KCNB2: variants seen among roughly 807,000 people sequenced by gnomAD.
KCNB2 encodes delayed rectifier potassium channel protein.
KCNB2 carries 15 observed loss-of-function variants against 61.5 expected under a neutral mutation model. That is an observed-to-expected ratio of 0.24 (90% confidence interval 0.16 to 0.38). The LOEUF (loss-of-function observed/expected upper bound fraction) is 0.38, where lower values mean the gene tolerates loss of function less well. KCNB2 is among the 10% of genes least tolerant of loss of function. The pLI is 1.00. For synonymous variants in KCNB2, 457 were observed against 446.0 expected, an observed-to-expected ratio of 1.02 and a Z score of -0.31; for missense variants, 828 against 1,125.2, an observed-to-expected ratio of 0.74 and a Z score of 3.78.
chr8:72,727,832 G>T (rs996708793), intron 2 of KCNB2, among the ~76,000 whole-genome samples: 6 of 152,182 alleles, frequency 3.9e-5, no homozygotes, highest in African/African-American at 1.2e-4. Context: ...AGACTTGCTA[G>T]TATTTCTAGG....
intron 2 of KCNB2, among the ~76,000 whole-genome samples, chr8:72,741,244 T>C (rs937170361): frequency 5.9e-5 from 9 of 152,084 alleles, no homozygotes; most frequent in Non-Finnish European, 1.2e-4. Context: ...CTACCTGCAG[T>C]TTCTAGAATG....
At chr8:72,770,317 G>A (rs577239161) in intron 2 of KCNB2, among the ~76,000 whole-genome samples, 1 of 152,232 alleles carries the variant, frequency 6.6e-6, no homozygotes, top group Admixed American at 6.5e-5. Context: ...TAATGGTATT[G>A]GATGATTTCT....
At chr8:72,705,983 G>A (rs2128991464) in intron 2 of KCNB2, among the ~76,000 whole-genome samples, 1 of 152,304 alleles carries the variant, frequency 6.6e-6, no homozygotes, top group East Asian at 1.9e-4. Context: ...GTTGGTTACA[G>A]GACTAGGGCA....
intron 2 of KCNB2, among the ~76,000 whole-genome samples, chr8:72,633,247 C>T (rs1805909549): frequency 6.6e-6 from 1 of 152,130 alleles, no homozygotes; most frequent in African/African-American, 2.4e-5. Context: ...AGCTACATGA[C>T]TCCTGCTCCC....
chr8:72,769,320 A>G (rs1036094171), intron 2 of KCNB2, among the ~76,000 whole-genome samples: 2 of 151,980 alleles, frequency 1.3e-5, no homozygotes, highest in African/African-American at 4.8e-5. Context: ...TTCAGCCTCT[A>G]TTGGACACTG....
At chr8:72,787,024 C>G (rs540444764) in intron 2 of KCNB2, among the ~76,000 whole-genome samples, 1 of 152,234 alleles carries the variant, frequency 6.6e-6, no homozygotes, top group South Asian at 2.1e-4. Flanking sequence ...GCTGACTATG[C>G]TACTGATAAA....
intron 2 of KCNB2, among the ~76,000 whole-genome samples, chr8:72,644,198 G>A (rs1806095650): frequency 6.6e-6 from 1 of 151,912 alleles, no homozygotes; most frequent in East Asian, 1.9e-4. Context: ...AATTACCCAT[G>A]TGCACTATAA....
At chr8:72,792,749 G>A (rs1439259694) in intron 2 of KCNB2, among the ~76,000 whole-genome samples, 2 of 152,184 alleles carry the variant, frequency 1.3e-5, no homozygotes, top group African/African-American at 4.8e-5. Flanking sequence ...TCTACTGATA[G>A]CCTGAAAGCT....
chr8:72,824,203 G>C (rs1809558780), intron 2 of KCNB2, among the ~76,000 whole-genome samples: 1 of 151,994 alleles, frequency 6.6e-6, no homozygotes, highest in Non-Finnish European at 1.5e-5. Flanking sequence ...GCTCACTTTA[G>C]GCCACCTTCA....
intron 2 of KCNB2, among the ~76,000 whole-genome samples, chr8:72,869,964 T>C (rs1212825978): frequency 1.3e-5 from 2 of 152,162 alleles, no homozygotes; most frequent in Non-Finnish European, 1.5e-5. Context: ...CAGATGAATG[T>C]ATAAAGAAAA....
intron 2 of KCNB2, among the ~76,000 whole-genome samples, chr8:72,619,963 G>A (rs758533687): frequency 2.0e-5 from 3 of 152,108 alleles, no homozygotes; most frequent in Non-Finnish European, 4.4e-5. Flanking sequence ...TGTGCTATAA[G>A]TGTGAAATAC....
At chr8:72,919,148 G>A (rs996755559) in intron 2 of KCNB2, among the ~76,000 whole-genome samples, 2 of 152,330 alleles carry the variant, frequency 1.3e-5, no homozygotes, top group Non-Finnish European at 2.9e-5. Context: ...TTATATGCAT[G>A]CGTATGTTAC....
At chr8:72,591,921 A>G (rs1467610835) in intron 2 of KCNB2, among the ~76,000 whole-genome samples, 2 of 152,198 alleles carry the variant, frequency 1.3e-5, no homozygotes, top group South Asian at 2.1e-4. Flanking sequence ...CTAATCTTAC[A>G]TAAGTTTACA....
intron 2 of KCNB2, among the ~76,000 whole-genome samples, chr8:72,737,112 A>G (rs1360284398): frequency 1.3e-5 from 2 of 152,006 alleles, no homozygotes. Flanking sequence ...CTGAAAATTT[A>G]CAGTTAGTAA....
At chr8:72,596,067 T>C (rs992318624) in intron 2 of KCNB2, among the ~76,000 whole-genome samples, 2 of 152,190 alleles carry the variant, frequency 1.3e-5, no homozygotes, top group Non-Finnish European at 2.9e-5. Context: ...GCATCTATTA[T>C]GTCCTAAGCA....
At position 72,937,393 on chromosome 8, in the gene KCNB2, G is replaced by T; in HGVS notation, c.2038G>T (p.Ala680Ser). 1 of 1,614,024 alleles carries T rather than the reference G, an allele frequency of 6.2e-7. No individual in the cohort carries two copies. The highest frequency in any genetic ancestry group is 8.5e-7 in the Non-Finnish European group (1 of 1,179,990). ...APVDITVNLD[A>S]SGSQCGLHSP... ...AGTTGACATAACTGTGAACCTCGAT[G>T]CCAGTGGCTCCCAGTGTGGGCTACA... is the stretch of plus-strand genomic sequence containing the variant. The change falls in exon 3 of 3, where the codon GCC (alanine) becomes TCC (serine). Residue 680 changes from alanine (A) to serine (S), a missense_variant. This residue lies in a region of KCNB2 where 559 missense variants were observed against 588.4 expected (regional missense o/e 0.95). Coordinates refer to ENST00000523207, the MANE Select transcript of KCNB2 (RefSeq NM_004770.3).
At chr8:72,787,519 T>C (rs1208868188) in intron 2 of KCNB2, among the ~76,000 whole-genome samples, 3 of 151,994 alleles carry the variant, frequency 2.0e-5, no homozygotes, top group Non-Finnish European at 4.4e-5. Context: ...AGTATAAGTA[T>C]GGCAGTTTTA....
At chr8:72,647,614 G>C (rs1473315258) in intron 2 of KCNB2, among the ~76,000 whole-genome samples, 1 of 152,072 alleles carries the variant, frequency 6.6e-6, no homozygotes, top group East Asian at 1.9e-4. Context: ...ACTGACAGTG[G>C]GGGGCAGAAA....
chr8:72,769,605 T>C (rs890099510), intron 2 of KCNB2, among the ~76,000 whole-genome samples: 4 of 152,122 alleles, frequency 2.6e-5, no homozygotes, highest in African/African-American at 7.2e-5. Flanking sequence ...GGAGTTCCAC[T>C]GGACTGGAGG....
Sources: gnomAD v4.1 joint callset for allele counts (sites outside exome capture counted in the v4.1 genomes callset) on GRCh38, gnomAD v4.1.1 for gene constraint, gnomAD v4.1.1 regional missense constraint, MANE v1.5 for transcripts, NCBI Gene and HGNC (gene_info 2026-07-23, HGNC 2026-07-21) for gene names.